The following DCAF5 variants were observed in gnomAD, a reference collection of about 807,000 sequenced individuals.
DCAF5 encodes the protein DDB1- and CUL4-associated factor 5.
Under a neutral mutation model 80.7 loss-of-function variants are expected in DCAF5, and 9 were observed. That is an observed-to-expected ratio of 0.11 (90% CI 0.07 to 0.19). The LOEUF (loss-of-function observed/expected upper bound fraction) is 0.19, where lower values mean the gene tolerates loss of function less well. Among genes scored for constraint, DCAF5 ranks in the 10% least tolerant of loss-of-function variants. The pLI is 1.00. For synonymous variants in DCAF5, 433 were observed against 461.9 expected, an observed-to-expected ratio of 0.94 and a Z score of 0.80; for missense variants, 842 against 1,205.7, an observed-to-expected ratio of 0.70 and a Z score of 4.47.
chr14:69,095,235 T>C (rs1282573811), intron 5 of DCAF5, among the ~76,000 whole-genome samples: 1 of 152,240 alleles, frequency 6.6e-6, no homozygotes, highest in Non-Finnish European at 1.5e-5. Context: ...AAAATGCCAC[T>C]GTCTCTACTC....
chr14:69,066,322 A>G (rs2038440396), intron 7 of DCAF5, among the ~76,000 whole-genome samples: 1 of 152,018 alleles, frequency 6.6e-6, no homozygotes, highest in Non-Finnish European at 1.5e-5. Context: ...TTTTTAGTAG[A>G]GATGGGGTTT....
intron 1 of DCAF5, among the ~76,000 whole-genome samples, chr14:69,139,677 G>A (rs1293968599): frequency 1.3e-5 from 2 of 151,732 alleles, no homozygotes; most frequent in African/African-American, 4.8e-5. Context: ...TTAGCTGGGT[G>A]TAGTGACACA....
chr14:69,116,616 GC>G, intron 4 of DCAF5, 121 bp from the exon 5 acceptor site: 1 of 1,194,388 alleles, frequency 8.4e-7, no homozygotes, highest in Non-Finnish European at 1.2e-6. Flanking sequence ...ACGGCCTGGA[GC>G]CCCAAAACAG....
At position 69,122,323 on chromosome 14, in the gene DCAF5, T is replaced by G. The variant is rs1416601975; in HGVS notation, c.252A>C (p.Glu84Asp). 6.2e-7 allele frequency: 1 copy of G among 1,613,492 alleles called. No individual in the cohort carries two copies. The highest frequency in any genetic ancestry group is 1.7e-5 in the Admixed American group (1 of 59,992). The change falls in exon 2 of 9, where the codon GAA (glutamate) becomes GAC (aspartate). Residue 84 changes from glutamate to aspartate, a missense_variant. By Grantham distance (45) the Glu-to-Asp change is conservative. Around this residue, in one of 5 missense-constraint regions of DCAF5, gnomAD observed 142 missense variants for 311.9 expected, o/e 0.46. Coordinates refer to ENST00000341516, the MANE Select transcript of DCAF5 (RefSeq NM_003861.3). Reference protein sequence around the residue: ...DDRRVLLWHMEQAIHSRVKPI... With the variant: ...DDRRVLLWHMDQAIHSRVKPI... Reference sequence around the variant, plus strand: ...GCTTGACCCTGGAGTGGATGGCTTGTTCCATGTGCCATAGCAGAACCCGGC... The same window carrying G: ...GCTTGACCCTGGAGTGGATGGCTTGGTCCATGTGCCATAGCAGAACCCGGC...
intron 5 of DCAF5, among the ~76,000 whole-genome samples, chr14:69,114,518 T>C (rs554857891): frequency 1.3e-5 from 2 of 152,314 alleles, no homozygotes; most frequent in African/African-American, 4.8e-5. Context: ...ATATGCATAG[T>C]CGTATATACA....
rs181283554 is a variant in DCAF5, at chr14:69,096,941, G to A, written c.666-5054C>T. Among the ~76,000 whole-genome samples the A allele has an allele frequency of 5.9e-5, 9 of 152,062 alleles. No individual in the cohort carries two copies. The East Asian group carries it at 1.4e-3, about 23-fold the overall frequency. On this transcript the variant is annotated intron_variant, in intron 5 of 8. Coordinates refer to ENST00000341516, the MANE Select transcript of DCAF5 (RefSeq NM_003861.3). Reference sequence around the variant, plus strand: ...TTGGCAAGAAGGAAAAAAGCAAGGGGAAGGAGGGAGACTGAGATGGCAGTT... The same window carrying A: ...TTGGCAAGAAGGAAAAAAGCAAGGGAAAGGAGGGAGACTGAGATGGCAGTT...
At chr14:69,060,520 A>G (rs2038167250) in intron 8 of DCAF5, among the ~76,000 whole-genome samples, 1 of 151,748 alleles carries the variant, frequency 6.6e-6, no homozygotes, top group Non-Finnish European at 1.5e-5. Flanking sequence ...ACTGACCTAC[A>G]TGCCAATATT....
In DCAF5 at chr14:69,052,667, G is replaced by T. The variant is rs553784816; in HGVS notation, c.*1190C>A. The T allele has an allele frequency of 6.6e-6, 1 of 152,150 alleles. No individual in the cohort carries two copies. Among genetic ancestry groups the T allele is most frequent in the Non-Finnish European group, 1.5e-5 (1 of 68,032 alleles). The allele number at this position is 152,150 out of a possible 1,614,324, so 9.4% of individuals were successfully genotyped here. On this transcript the variant is annotated 3_prime_UTR_variant, in exon 9 of 9. Transcript: ENST00000341516. ...AAGACTTAAGACTAATGGGAACCAG[G>T]AGTCATAAGCCAGAGACTCCTCCCC...
intron 6 of DCAF5, chr14:69,083,610 T>C (rs6573868): frequency 0.99 from 522,222 of 526,190 alleles, 259,260 homozygotes; most frequent in East Asian, 1. Context: ...AAAATGGAGA[T>C]GTGTCTCAAG....
intron 5 of DCAF5, among the ~76,000 whole-genome samples, chr14:69,099,126 C>T (rs1469432845): frequency 6.6e-6 from 1 of 151,372 alleles, no homozygotes; most frequent in African/African-American, 2.4e-5. Flanking sequence ...GTGGTCCACA[C>T]CTGTAGTATC....
intron 7 of DCAF5, among the ~76,000 whole-genome samples, chr14:69,064,487 C>T (rs1285278863): frequency 6.6e-6 from 1 of 152,128 alleles, no homozygotes; most frequent in African/African-American, 2.4e-5. Flanking sequence ...AATGGCAGAG[C>T]CAAGATTTGA....
Position 69,075,333 on chromosome 14 carries a change from G to A in DCAF5, c.946+12C>T. On this transcript the variant is annotated intron_variant, in intron 7 of 8. Transcript: ENST00000341516. Reference sequence around the variant, plus strand: ...AGCAATAGCAGTACATTCATGTGAAGGATATACTTGCCTGCTTCTGGATCT... The same window carrying A: ...AGCAATAGCAGTACATTCATGTGAAAGATATACTTGCCTGCTTCTGGATCT... 1.2e-6 allele frequency: 2 copies of A among 1,602,754 alleles called. No individual in the cohort carries two copies. The highest frequency in any genetic ancestry group is 1.7e-6 in the Non-Finnish European group (2 of 1,172,292).
chr14:69,079,578 T>C (rs1348303470), intron 6 of DCAF5, among the ~76,000 whole-genome samples: 2 of 152,202 alleles, frequency 1.3e-5, no homozygotes, highest in Non-Finnish European at 2.9e-5. Flanking sequence ...GCTGGATGCC[T>C]TCTAGCATTA....
At chr14:69,116,516 A>G in intron 4 of DCAF5, 21 bp from the exon 5 acceptor site, 1 of 1,610,452 alleles carries the variant, frequency 6.2e-7, no homozygotes, top group Non-Finnish European at 8.5e-7. Context: ...AAAAATTATA[A>G]TCAGTTCACT....
intron 1 of DCAF5, among the ~76,000 whole-genome samples, chr14:69,136,259 G>A (rs1391492994): frequency 6.6e-6 from 1 of 151,874 alleles, no homozygotes. Context: ...GAGACTACAG[G>A]TGCACATCAC....
At chr14:69,092,777 G>A (rs951028020) in intron 5 of DCAF5, among the ~76,000 whole-genome samples, 3 of 152,124 alleles carry the variant, frequency 2.0e-5, no homozygotes, top group African/African-American at 4.8e-5. Flanking sequence ...TAAATGCAGA[G>A]CAAGCAGTGC....
intron 7 of DCAF5, among the ~76,000 whole-genome samples, chr14:69,074,152 C>T (rs542174778): frequency 3.3e-5 from 5 of 152,318 alleles, no homozygotes; most frequent in African/African-American, 1.2e-4. Context: ...TCAGCAACAG[C>T]CAAGAACTTC....
intron 1 of DCAF5, among the ~76,000 whole-genome samples, chr14:69,144,920 G>A (rs1202543658): frequency 6.6e-6 from 1 of 152,148 alleles, no homozygotes; most frequent in Non-Finnish European, 1.5e-5. Flanking sequence ...TCCCTTTCCT[G>A]TAAAATGAAA....
chr14:69,102,156 T>C (rs905264610), intron 5 of DCAF5, among the ~76,000 whole-genome samples: 5 of 150,286 alleles, frequency 3.3e-5, no homozygotes, highest in Non-Finnish European at 7.4e-5. Flanking sequence ...TCACCCAGGC[T>C]GGAGTGCAGT....
Sources: gnomAD v4.1 joint callset for allele counts (sites outside exome capture counted in the v4.1 genomes callset) on GRCh38, gnomAD v4.1.1 for gene constraint, gnomAD v4.1.1 regional missense constraint, MANE v1.5 for transcripts, NCBI Gene and HGNC (gene_info 2026-07-23, HGNC 2026-07-21) for gene names.